The following TENM3 variants were observed in gnomAD, a reference collection of about 807,000 sequenced individuals.
TENM3 encodes the protein teneurin transmembrane protein 3.
TENM3 carries 63 observed loss-of-function variants against 255.1 expected under a neutral mutation model. That is an observed-to-expected ratio of 0.25 (90% CI 0.20 to 0.30). TENM3 has a LOEUF of 0.30. Among genes scored for constraint, TENM3 ranks in the 10% least tolerant of loss-of-function variants. The probability of loss-of-function intolerance (pLI) is 1.00; values close to 1 mark genes in which losing one functional copy is unlikely to be tolerated. For synonymous variants in TENM3, 1,306 were observed against 1,322.3 expected, an observed-to-expected ratio of 0.99 and a Z score of 0.27; for missense variants, 2,929 against 3,461.1, an observed-to-expected ratio of 0.85 and a Z score of 3.86.
At chr4:182,011,817 G>C in the TENM3 span, among the ~76,000 whole-genome samples, 2 of 152,148 alleles carry the variant, frequency 1.3e-5, no homozygotes, top group African/African-American at 4.8e-5. Flanking sequence ...GCAAACAATA[G>C]ATTAAGGCAG....
the TENM3 span, among the ~76,000 whole-genome samples, chr4:181,578,638 T>G: frequency 6.6e-6 from 1 of 152,158 alleles, no homozygotes; most frequent in Non-Finnish European, 1.5e-5. Flanking sequence ...CACTCTATAG[T>G]GCATAATCTC....
At chr4:182,039,027 C>T in the TENM3 span, among the ~76,000 whole-genome samples, 1 of 152,068 alleles carries the variant, frequency 6.6e-6, no homozygotes, top group African/African-American at 2.4e-5. Flanking sequence ...GCCCCTGCGC[C>T]CGGCCATAAA....
chr4:182,464,554 G>C (rs888710144), intron 3 of TENM3, among the ~76,000 whole-genome samples: 3 of 152,156 alleles, frequency 2.0e-5, no homozygotes, highest in Admixed American at 6.5e-5. Flanking sequence ...ACCACGCCAG[G>C]CCTGTTACAA....
intron 12 of TENM3, among the ~76,000 whole-genome samples, chr4:182,693,218 A>C (rs1757141625): frequency 1.3e-5 from 2 of 152,224 alleles, no homozygotes; most frequent in African/African-American, 4.8e-5. Context: ...GATACTGAGA[A>C]CAATTTCTTA....
chr4:182,562,307 G>A (rs1210680483), intron 3 of TENM3, among the ~76,000 whole-genome samples: 1 of 152,198 alleles, frequency 6.6e-6, no homozygotes, highest in Non-Finnish European at 1.5e-5. Flanking sequence ...TCCTAGGAAT[G>A]AGATTATGAA....
intron 6 of TENM3, among the ~76,000 whole-genome samples, chr4:182,659,831 C>T (rs563085521): frequency 6.0e-4 from 92 of 152,282 alleles, no homozygotes; most frequent in Non-Finnish European, 1.0e-3. Flanking sequence ...TTACAAGGCT[C>T]TCCACAGCCT....
intron 13 of TENM3, among the ~76,000 whole-genome samples, chr4:182,715,523 A>C (rs1239358166): frequency 6.6e-6 from 1 of 152,252 alleles, no homozygotes; most frequent in East Asian, 1.9e-4. Flanking sequence ...TGAAGTGTGT[A>C]GCATATTGCC....
intron 3 of TENM3, among the ~76,000 whole-genome samples, chr4:182,431,215 G>A (rs1253592735): frequency 6.6e-6 from 1 of 151,946 alleles, no homozygotes; most frequent in African/African-American, 2.4e-5. Context: ...GGAGGGATGA[G>A]GCCGGGCGTG....
chr4:181,919,532 T>C, the TENM3 span, among the ~76,000 whole-genome samples: 1 of 152,036 alleles, frequency 6.6e-6, no homozygotes. Context: ...AAGTATGAGA[T>C]TACTTGATAT....
intron 1 of TENM3, chr4:182,144,936 C>G (rs1430462955): frequency 6.6e-6 from 1 of 151,908 alleles, no homozygotes; most frequent in Non-Finnish European, 1.5e-5. Context: ...GTCCCCGCCC[C>G]GCCCTCGCGC....
At chr4:182,035,194 T>C in the TENM3 span, among the ~76,000 whole-genome samples, 1 of 152,232 alleles carries the variant, frequency 6.6e-6, no homozygotes, top group Non-Finnish European at 1.5e-5. Context: ...CAAAGTTTGA[T>C]TTGTTATTTA....
At chr4:181,608,857 G>A in the TENM3 span, among the ~76,000 whole-genome samples, 6 of 152,198 alleles carry the variant, frequency 3.9e-5, no homozygotes, top group Admixed American at 3.9e-4. Context: ...TCTTCAAAAA[G>A]CATGTGCTAT....
At chr4:181,627,466 C>G in the TENM3 span, among the ~76,000 whole-genome samples, 5 of 152,110 alleles carry the variant, frequency 3.3e-5, no homozygotes, top group African/African-American at 1.2e-4. Flanking sequence ...GGTATATCTC[C>G]TAATGTTTTA....
At chr4:181,501,377 C>CT in the TENM3 span, among the ~76,000 whole-genome samples, 9 of 151,148 alleles carry the variant, frequency 6.0e-5, no homozygotes, top group South Asian at 2.1e-4. Context: ...TTTTTCTTTC[C>CT]TTTTTTGTTT....
At chr4:181,680,458 G>A in the TENM3 span, among the ~76,000 whole-genome samples, 13,977 of 152,150 alleles carry the variant, frequency 0.092, 1,122 homozygotes, top group East Asian at 0.25. Flanking sequence ...TCAAACTACA[G>A]GTCGATAGAC....
chr4:181,969,887 C>T, the TENM3 span, among the ~76,000 whole-genome samples: 2 of 152,176 alleles, frequency 1.3e-5, no homozygotes, highest in African/African-American at 2.4e-5. Flanking sequence ...AATTCGTTAA[C>T]GTGTTAACTG....
At chr4:182,076,510 C>T in the TENM3 span, among the ~76,000 whole-genome samples, 2 of 152,126 alleles carry the variant, frequency 1.3e-5, no homozygotes, top group South Asian at 4.1e-4. Flanking sequence ...CCTCTTTCTC[C>T]TTCTTTATAA....
the TENM3 span, among the ~76,000 whole-genome samples, chr4:181,964,590 A>G: frequency 6.9e-6 from 1 of 144,980 alleles, no homozygotes; most frequent in South Asian, 2.5e-4. Context: ...TAATGTTGCT[A>G]GAAAAAAAAA....
chr4:182,719,684 A>C (rs1759541562), intron 13 of TENM3, among the ~76,000 whole-genome samples: 1 of 152,172 alleles, frequency 6.6e-6, no homozygotes, highest in South Asian at 2.1e-4. Context: ...GCACAAGTCA[A>C]CTGAGGTTAT....
Sources: allele counts gnomAD v4.1 joint callset (sites outside exome capture counted in the v4.1 genomes callset), GRCh38; gene constraint gnomAD v4.1.1; transcripts MANE v1.5; gene names NCBI Gene and HGNC (gene_info 2026-07-23, HGNC 2026-07-21).